The following ERBB4 variants were observed in gnomAD, a reference collection of about 807,000 sequenced individuals.
The protein encoded by ERBB4 is erb-b2 receptor tyrosine kinase 4.
ERBB4 carries 42 observed loss-of-function variants against 158.0 expected under a neutral mutation model. The observed-to-expected ratio is 0.27, with a 90% CI of 0.21 to 0.34. The LOEUF is 0.34. Ranked by LOEUF, ERBB4 falls within the 10% of genes least tolerant of loss-of-function variation. The probability of loss-of-function intolerance (pLI) is 1.00; values close to 1 mark genes in which losing one functional copy is unlikely to be tolerated. For missense variants in ERBB4, 1,333 were observed against 1,624.1 expected (o/e 0.82, Z 3.08); for synonymous variants, 583 against 558.7 (o/e 1.04, Z -0.61).
At chr2:212,136,546 T>C (rs2080277679) in intron 1 of ERBB4, among the ~76,000 whole-genome samples, 2 of 152,174 alleles carry the variant, frequency 1.3e-5, no homozygotes, top group African/African-American at 4.8e-5. Flanking sequence ...GGTGGCACTC[T>C]TTTAAGTGAA....
At chr2:212,090,675 G>T (rs893159517) in intron 2 of ERBB4, among the ~76,000 whole-genome samples, 4 of 151,994 alleles carry the variant, frequency 2.6e-5, no homozygotes, top group Non-Finnish European at 5.9e-5. Context: ...CTGATGCACA[G>T]GCCATACTTC....
intron 1 of ERBB4, among the ~76,000 whole-genome samples, chr2:212,334,512 T>A (rs1267347858): frequency 6.6e-6 from 1 of 151,994 alleles, no homozygotes; most frequent in Non-Finnish European, 1.5e-5. Flanking sequence ...CAAGGAATTG[T>A]TAGTTAAAAT....
At chr2:212,389,744 T>C (rs184125453) in intron 1 of ERBB4, among the ~76,000 whole-genome samples, 1 of 152,134 alleles carries the variant, frequency 6.6e-6, no homozygotes, top group Admixed American at 6.6e-5. Flanking sequence ...GTACTTGGCA[T>C]TATATTAAAA....
chr2:211,989,162 C>T (rs1376665715), intron 2 of ERBB4, among the ~76,000 whole-genome samples: 1 of 151,922 alleles, frequency 6.6e-6, no homozygotes, highest in Non-Finnish European at 1.5e-5. Flanking sequence ...AGATGACCTA[C>T]TTTGATTATA....
chr2:212,383,802 G>C (rs2090587697), intron 1 of ERBB4, among the ~76,000 whole-genome samples: 1 of 151,626 alleles, frequency 6.6e-6, no homozygotes, highest in African/African-American at 2.4e-5. Flanking sequence ...TGTTATCGAA[G>C]ACAATTATTC....
intron 2 of ERBB4, among the ~76,000 whole-genome samples, chr2:212,007,805 C>T (rs2076292379): frequency 6.6e-6 from 1 of 151,874 alleles, no homozygotes; most frequent in Admixed American, 6.6e-5. Context: ...CTCCTTTGAT[C>T]AATTTCATAG....
chr2:211,512,123 A>C (rs2065898429), intron 20 of ERBB4, among the ~76,000 whole-genome samples: 1 of 152,150 alleles, frequency 6.6e-6, no homozygotes, highest in African/African-American at 2.4e-5. Context: ...CTTGGGAAAA[A>C]CTGGCAACAT....
In ERBB4 at chr2:211,583,959, C is replaced by T. The variant is rs2068185271; in HGVS notation, c.2302-21871G>A. Among the ~76,000 whole-genome samples, 5 of 149,880 alleles carry T rather than the reference C, an allele frequency of 3.3e-5. No homozygotes were observed. In the South Asian group the frequency reaches 1.1e-3, roughly 32 times the overall value. ...AAATGCAATTTTAACTACTATTTTT[C>T]ATTTGGCTATGCATTTCTTTGAAAA... On this transcript the variant is annotated intron_variant, in intron 19 of 27. Transcript: ENST00000342788.
intron 1 of ERBB4, among the ~76,000 whole-genome samples, chr2:212,512,420 A>G (rs1691578824): frequency 6.6e-6 from 1 of 152,016 alleles, no homozygotes; most frequent in Non-Finnish European, 1.5e-5. Flanking sequence ...AGGAATGTGT[A>G]ATTTATGCAA....
Position 211,382,517 on chromosome 2 carries a change from A to T in ERBB4, c.*1098T>A, listed in dbSNP as rs1476240722. ...TGGAGTTCAGAAAAAGAACAAATAA[A>T]ATTACAGCTTAAGTGCAAACTACAT... On this transcript the variant is annotated 3_prime_UTR_variant, in exon 28 of 28. Transcript: ENST00000342788. 4.3e-6 allele frequency: 1 copy of T among 232,794 alleles called. No homozygotes were observed. The highest frequency in any genetic ancestry group is 5.6e-5 in the Admixed American group (1 of 17,756). 14.4% of individuals were successfully genotyped at this position (232,794 alleles called of 1,614,324 possible).
intron 1 of ERBB4, among the ~76,000 whole-genome samples, chr2:212,450,852 A>G (rs996461391): frequency 6.6e-6 from 1 of 150,620 alleles, no homozygotes; most frequent in Non-Finnish European, 1.5e-5. Flanking sequence ...AAGGCCAGGC[A>G]TGGTGGCTCA....
At chr2:211,677,547 G>C (rs973780488) in intron 13 of ERBB4, among the ~76,000 whole-genome samples, 8 of 147,712 alleles carry the variant, frequency 5.4e-5, no homozygotes, top group African/African-American at 2.0e-4. Flanking sequence ...TGGGCAACAG[G>C]AGCAAAACTT....
At chr2:211,616,711 T>C (rs2125842750) in intron 19 of ERBB4, among the ~76,000 whole-genome samples, 1 of 152,258 alleles carries the variant, frequency 6.6e-6, no homozygotes, top group East Asian at 1.9e-4. Context: ...GATGCTATCC[T>C]TCTAATGTTT....
At chr2:211,415,028 CTAT>C (rs1253244678) in intron 25 of ERBB4, among the ~76,000 whole-genome samples, 1 of 147,352 alleles carries the variant, frequency 6.8e-6, no homozygotes, top group Non-Finnish European at 1.5e-5. Context: ...ATTATTATTA[CTAT>C]TTTTATTATT....
At chr2:212,222,236 C>T (rs1486938720) in intron 1 of ERBB4, among the ~76,000 whole-genome samples, 3 of 151,484 alleles carry the variant, frequency 2.0e-5, no homozygotes, top group Non-Finnish European at 4.4e-5. Context: ...TCAGGAAATT[C>T]ACAACCAGAA....
intron 19 of ERBB4, among the ~76,000 whole-genome samples, chr2:211,571,041 C>CTTTTTTTTTTTTTTTTTTTTTTTTT (rs549254649): frequency 1.8e-5 from 2 of 109,076 alleles, no homozygotes; most frequent in African/African-American, 7.1e-5. Flanking sequence ...TACTCTTCTT[C>CTTTTTTTTTTTTTTTTTTTTTTTTT]TTTTTTTTTT....
chr2:212,330,616 A>T (rs1485287003), intron 1 of ERBB4, among the ~76,000 whole-genome samples: 1 of 151,936 alleles, frequency 6.6e-6, no homozygotes, highest in Non-Finnish European at 1.5e-5. Flanking sequence ...CTGTCTCAAA[A>T]ACAAATCAAA....
intron 3 of ERBB4, among the ~76,000 whole-genome samples, chr2:211,830,710 A>G (rs1364811606): frequency 6.6e-6 from 1 of 152,148 alleles, no homozygotes; most frequent in East Asian, 1.9e-4. Flanking sequence ...ATAAAAATGT[A>G]TGTTTAAGTA....
At chr2:212,528,695 G>A (rs1278639962) in intron 1 of ERBB4, among the ~76,000 whole-genome samples, 2 of 152,104 alleles carry the variant, frequency 1.3e-5, no homozygotes, top group Non-Finnish European at 2.9e-5. Context: ...TTAGAATCTG[G>A]TAACCTGAAA....
Sources: gnomAD v4.1 joint callset for allele counts (sites outside exome capture counted in the v4.1 genomes callset) on GRCh38, gnomAD v4.1.1 for gene constraint, MANE v1.5 for transcripts, NCBI Gene and HGNC (gene_info 2026-07-23, HGNC 2026-07-21) for gene names.